VIM: variants seen among roughly 807,000 people sequenced by gnomAD.
VIM encodes epididymis secretory sperm binding protein.
VIM carries 18 observed loss-of-function variants against 50.3 expected under a neutral mutation model. The observed-to-expected ratio is 0.36, with a 90% CI of 0.25 to 0.53. The LOEUF (loss-of-function observed/expected upper bound fraction) is 0.53, where lower values mean the gene tolerates loss of function less well. VIM is among the 20% of genes least tolerant of loss of function. VIM has a pLI of 0.91. For synonymous variants in VIM, 245 were observed against 248.5 expected, an observed-to-expected ratio of 0.99 and a Z score of 0.13; for missense variants, 551 against 614.7, an observed-to-expected ratio of 0.90 and a Z score of 1.10.
At chr10:17,233,742 G>A (rs200915681) in intron 4 of VIM, 28 bp from the exon 5 acceptor site, 5 of 1,614,102 alleles carry the variant, frequency 3.1e-6, no homozygotes, top group Non-Finnish European at 4.2e-6. Context: ...GGTTGGCAGA[G>A]CTGACCGTCT....
chr10:17,229,303 C>A lies in VIM; in HGVS notation c.-120C>A. The A allele has an allele frequency of 9.2e-7, 1 of 1,088,502 alleles. No homozygotes were observed. Among genetic ancestry groups the A allele is most frequent in the African/African-American group, 1.6e-5 (1 of 64,032 alleles). 67.4% of individuals were successfully genotyped at this position (1,088,502 alleles called of 1,614,324 possible). A position where few individuals can be genotyped will look rare whatever the true frequency, so the allele number is the denominator to read the frequency against. On this transcript the variant is annotated 5_prime_UTR_variant, in exon 2 of 10. Coordinates refer to ENST00000544301, the MANE Select transcript of VIM (RefSeq NM_003380.5). Reference sequence around the variant, plus strand: ...CTCTGCCACTCTCGCTCCGAGGTCCCCGCGCCAGAGACGCAGCCGCGCTCC... The same window carrying A: ...CTCTGCCACTCTCGCTCCGAGGTCCACGCGCCAGAGACGCAGCCGCGCTCC...
chr10:17,233,701 G>A lies in VIM; in HGVS notation c.720+19G>A, dbSNP rs369732204. 7.3e-5 allele frequency: 118 copies of A among 1,614,116 alleles called. No homozygotes were observed. The highest frequency in any genetic ancestry group is 1.2e-4 in the Admixed American group (7 of 60,008). The stretch of plus-strand genomic sequence containing the variant: ...CGAAGAGGTTAGTGGAGTGACTTTC[G>A]GGGAATGAATGAGGGTAAGGCAGCC... On this transcript the variant is annotated intron_variant, in intron 4 of 9. Coordinates refer to ENST00000544301, the MANE Select transcript of VIM (RefSeq NM_003380.5).
At chr10:17,236,172 C>A (rs165531) in intron 8 of VIM, 122 bp from the exon 9 acceptor site, 3 of 871,686 alleles carry the variant, frequency 3.4e-6, no homozygotes, top group African/African-American at 3.3e-5. Context: ...AATTATTTGG[C>A]GAGTAGTACT....
Position 17,229,307 on chromosome 10 carries a change from G to A in VIM, c.-116G>A. On this transcript the variant is annotated 5_prime_UTR_variant, in exon 2 of 10. Transcript: ENST00000544301. ...GCCACTCTCGCTCCGAGGTCCCCGC[G>A]CCAGAGACGCAGCCGCGCTCCCACC... 8.9e-7 allele frequency: 1 copy of A among 1,117,816 alleles called. No homozygotes were observed. Among genetic ancestry groups the A allele is most frequent in the Non-Finnish European group, 1.3e-6 (1 of 778,800 alleles). The allele number at this position is 1,117,816 out of a possible 1,614,324, so 69.2% of individuals were successfully genotyped here.
intron 6 of VIM, 81 bp from the exon 7 acceptor site, chr10:17,235,088 T>C (rs990155184): frequency 1.6e-5 from 24 of 1,509,428 alleles, no homozygotes; most frequent in Non-Finnish European, 1.7e-5. Context: ...TGGAAATTAT[T>C]GCAGAAGGTC....
rs1034728296 is a variant in VIM, at chr10:17,237,423, G to A, written c.*152G>A. 3.2e-5 allele frequency: 22 copies of A among 697,668 alleles called. No homozygotes were observed. Among genetic ancestry groups the A allele is most frequent in the East Asian group, 5.5e-5 (2 of 36,398 alleles). 43.2% of individuals were successfully genotyped at this position (697,668 alleles called of 1,614,324 possible). On this transcript the variant is annotated 3_prime_UTR_variant, in exon 10 of 10. Transcript: ENST00000544301. ...GAATAAGCTCTAGTTCTTAACAACC[G>A]ACACTCCTACAAGATTTAGAAAAAA...
At chr10:17,236,805 C>G (rs1846897045) in intron 9 of VIM, among the ~76,000 whole-genome samples, 1 of 152,184 alleles carries the variant, frequency 6.6e-6, no homozygotes, top group Admixed American at 6.5e-5. Flanking sequence ...GCCATACGAT[C>G]ATTTAGTTTC....
rs1846899874 is a variant in VIM at position 17,236,902 on chromosome 10, A to G, written c.1360-328A>G. Among the ~76,000 whole-genome samples the G allele has an allele frequency of 2.0e-5, 3 of 151,924 alleles. No individual in the cohort carries two copies. In the South Asian group the frequency reaches 6.2e-4, roughly 31 times the overall value. On this transcript the variant is annotated intron_variant, in intron 9 of 9. Transcript: ENST00000544301. ...TCCCTTGCACATAAATTTAAAATGT[A>G]CCTGCTGCACATTTTAATATGTCTT...
chr10:17,236,004 C>G, intron 8 of VIM, 115 bp downstream of exon 8: 6 of 1,156,526 alleles, frequency 5.2e-6, no homozygotes, highest in Non-Finnish European at 7.6e-6. Flanking sequence ...AGAGAAAACT[C>G]TATAAAACAT....
chr10:17,229,351 C>T lies in VIM; in HGVS notation c.-72C>T. The T allele has an allele frequency of 6.7e-7, 1 of 1,499,562 alleles. No individual in the cohort carries two copies. The highest frequency in any genetic ancestry group is 1.9e-5 in the Admixed American group (1 of 51,326). The allele number at this position is 1,499,562 out of a possible 1,614,324, so 92.9% of individuals were successfully genotyped here. The stretch of plus-strand genomic sequence containing the variant: ...TCCCACCACCCACACCCACCGCGCC[C>T]TCGTTCGCCTCTTCTCCGGGAGCCA... On this transcript the variant is annotated 5_prime_UTR_variant, in exon 2 of 10. Transcript: ENST00000544301.
chr10:17,229,560 C>G lies in VIM; in HGVS notation c.138C>G (p.Pro46=), dbSNP rs1279005584. The change falls in exon 2 of 10, where the codon CCC becomes CCG. Residue 46 remains proline (P), a synonymous_variant. Coordinates refer to ENST00000544301, the MANE Select transcript of VIM (RefSeq NM_003380.5). The stretch of plus-strand genomic sequence containing the variant: ...ACAGCCTGGGCAGCGCGCTGCGCCC[C>G]AGCACCAGCCGCAGCCTCTACGCCT... ...RTYSLGSALR[P]STSRSLYASS... 1.2e-6 allele frequency: 2 copies of G among 1,607,944 alleles called. No homozygotes were observed. The highest frequency in any genetic ancestry group is 1.7e-6 in the Non-Finnish European group (2 of 1,178,590).
At chr10:17,233,481 C>CT (rs1846830353) in intron 3 of VIM, 106 bp from the exon 4 acceptor site, 1 of 1,133,994 alleles carries the variant, frequency 8.8e-7, no homozygotes, top group Non-Finnish European at 1.3e-6. Context: ...AACGGCTTTT[C>CT]TATAGTAAGG....
In VIM at chr10:17,229,434, G is replaced by T; in HGVS notation, c.12G>T (p.Arg4Ser). ...CACCCTCCGCAGCCATGTCCACCAG[G>T]TCCGTGTCCTCGTCCTCCTACCGCA... MST[R>S]SVSSSSYRRM... is the part of the protein sequence containing the mutation. Residue 4 changes from arginine to serine, a missense_variant, in exon 2 of 10, where the codon AGG (arginine) becomes AGT (serine). By Grantham distance (110) the Arg-to-Ser change is moderately radical. Around this residue, in one of 3 missense-constraint regions of VIM, gnomAD observed 134 missense variants for 126.4 expected, o/e 1.06. Transcript: ENST00000544301. The T allele has an allele frequency of 6.2e-7, 1 of 1,605,216 alleles. No individual in the cohort carries two copies. The highest frequency in any genetic ancestry group is 8.5e-7 in the Non-Finnish European group (1 of 1,178,868).
In VIM at chr10:17,235,315, C is replaced by A; in HGVS notation, c.1155C>A (p.Asp385Glu). ...EMARHLREYQ[D>E]LLNVKMALDI... is the part of the protein sequence containing the mutation. ...CTCGTCACCTTCGTGAATACCAAGA[C>A]CTGCTCAATGTTAAGATGGCCCTTG... Residue 385 changes from aspartate to glutamate, a missense_variant, in exon 7 of 10, where the codon GAC (aspartate) becomes GAA (glutamate). By Grantham distance (45) the Asp-to-Glu change is conservative. This residue lies in a region of VIM where 394 missense variants were observed against 437.5 expected (regional missense o/e 0.90). Coordinates refer to ENST00000544301, the MANE Select transcript of VIM (RefSeq NM_003380.5). 1.9e-6 allele frequency: 3 copies of A among 1,614,182 alleles called. No homozygotes were observed. Among genetic ancestry groups the A allele is most frequent in the South Asian group, 2.2e-5 (2 of 91,078 alleles).
In VIM at chr10:17,235,897, T is replaced by A. The variant is rs1386929597; in HGVS notation, c.1273+8T>A. On this transcript the variant is annotated splice_region_variant and intron_variant, in intron 8 of 9. Transcript: ENST00000544301. ...CCTCCCTGAACCTGAGGGGTAAGCATTTTATTTCCCTTTAGGAAAAACGTC... is the reference window on the plus strand; with the variant it reads ...CCTCCCTGAACCTGAGGGGTAAGCAATTTATTTCCCTTTAGGAAAAACGTC... The A allele has an allele frequency of 1.2e-6, 2 of 1,612,754 alleles. No individual in the cohort carries two copies. The highest frequency in any genetic ancestry group is 8.5e-7 in the Non-Finnish European group (1 of 1,178,854).
intron 7 of VIM, chr10:17,235,636 C>T: frequency 2.9e-6 from 2 of 695,654 alleles, no homozygotes; most frequent in South Asian, 3.6e-5. Flanking sequence ...AACTCCTGTT[C>T]ATGCTCCTGT....
rs1220319212 is a variant in VIM at position 17,236,283 on chromosome 10, T to C, written c.1274-11T>C. On this transcript the variant is annotated splice_polypyrimidine_tract_variant and intron_variant, in intron 8 of 9. Transcript: ENST00000544301. ...CGTTTTTACTCATTTTTGGCCTGTT[T>C]GTTTATTTAGAAACTAATCTGGATT... The C allele has an allele frequency of 2.5e-6, 4 of 1,607,142 alleles. No homozygotes were observed. Among genetic ancestry groups the C allele is most frequent in the Non-Finnish European group, 3.4e-6 (4 of 1,173,720 alleles).
At chr10:17,236,781 T>G (rs1201093108) in intron 9 of VIM, among the ~76,000 whole-genome samples, 2 of 152,212 alleles carry the variant, frequency 1.3e-5, no homozygotes, top group Non-Finnish European at 2.9e-5. Context: ...CCCATCTATA[T>G]AATACAAGCA....
intron 3 of VIM, among the ~76,000 whole-genome samples, chr10:17,231,976 C>T (rs968160909): frequency 6.6e-6 from 1 of 152,202 alleles, no homozygotes; most frequent in Admixed American, 6.5e-5. Context: ...AATTTAACCA[C>T]AGCAATGTGT....
Sources: gnomAD v4.1 joint callset for allele counts (sites outside exome capture counted in the v4.1 genomes callset) on GRCh38, gnomAD v4.1.1 for gene constraint, gnomAD v4.1.1 regional missense constraint, MANE v1.5 for transcripts, NCBI Gene and HGNC (gene_info 2026-07-23, HGNC 2026-07-21) for gene names.